Variants in ZNF423 observed in about 807,000 individuals in gnomAD.
ZNF423 encodes the protein Ebf-associated zinc finger protein.
In ZNF423, 12 loss-of-function variants were observed where a neutral mutation model predicts 95.8. That is an observed-to-expected ratio of 0.13 (90% CI 0.08 to 0.20). The LOEUF is 0.20. ZNF423 is among the 10% of genes least tolerant of loss of function. The probability of loss-of-function intolerance (pLI) is 1.00; values close to 1 mark genes in which losing one functional copy is unlikely to be tolerated. For missense variants in ZNF423, 1,316 were observed against 1,737.1 expected (o/e 0.76, Z 4.31); for synonymous variants, 749 against 711.9 (o/e 1.05, Z -0.83).
At chr16:49,745,297 T>C (rs2033498502) in intron 2 of ZNF423, among the ~76,000 whole-genome samples, 2 of 152,216 alleles carry the variant, frequency 1.3e-5, no homozygotes, top group South Asian at 4.1e-4. Context: ...CCCAAAACAC[T>C]TATGTTACTA....
rs1972853116 is a variant in ZNF423 at position 49,638,627 on chromosome 16, G to A, written c.549C>T (p.Phe183=). ...GCCGGTCACGGCTCCTCTTGTGCTTGAAGAGGCGGCTGCAGTAGGTGCACT... is the reference window on the plus strand; with the variant it reads ...GCCGGTCACGGCTCCTCTTGTGCTTAAAGAGGCGGCTGCAGTAGGTGCACT... ...PFKCTYCSRL[F]KHKRSRDRHI... Residue 183 remains phenylalanine (F), a synonymous_variant, in exon 4 of 8, where the codon TTC becomes TTT. Transcript: ENST00000563137. The surrounding 1 kb of genome is among the most constrained non-coding windows in gnomAD (Gnocchi z 5.6). 1 of 1,613,924 alleles carries A rather than the reference G, an allele frequency of 6.2e-7. No individual in the cohort carries two copies. The highest frequency in any genetic ancestry group is 1.6e-4 in the Middle Eastern group (1 of 6,062).
intron 5 of ZNF423, among the ~76,000 whole-genome samples, chr16:49,574,277 C>G (rs1455809894): frequency 6.6e-6 from 1 of 152,164 alleles, no homozygotes; most frequent in African/African-American, 2.4e-5. Flanking sequence ...CCCAGCTAAT[C>G]AGGAAGCTGA....
intron 2 of ZNF423, among the ~76,000 whole-genome samples, chr16:49,781,507 G>A (rs2034211473): frequency 6.6e-6 from 1 of 152,218 alleles, no homozygotes; most frequent in Admixed American, 6.5e-5. Flanking sequence ...TGGGAGAAAT[G>A]CAAACGCAAG....
At chr16:49,539,170 G>A (rs1400533835) in intron 5 of ZNF423, among the ~76,000 whole-genome samples, 2 of 152,108 alleles carry the variant, frequency 1.3e-5, no homozygotes, top group Non-Finnish European at 2.9e-5. Context: ...ACCCCCCACG[G>A]CTCTGGACAC....
chr16:49,517,534 G>A (rs139895257), intron 7 of ZNF423, among the ~76,000 whole-genome samples: 37 of 152,292 alleles, frequency 2.4e-4, no homozygotes, highest in African/African-American at 8.4e-4. Context: ...GGGTGAGCGT[G>A]GGCAGGTGTA....
At chr16:49,815,325 G>A (rs1000675411) in intron 1 of ZNF423, among the ~76,000 whole-genome samples, 2 of 152,090 alleles carry the variant, frequency 1.3e-5, no homozygotes, top group Non-Finnish European at 2.9e-5. Context: ...CAAAGATCTC[G>A]ATACGGGGTC....
intron 5 of ZNF423, among the ~76,000 whole-genome samples, chr16:49,537,487 G>T (rs747112612): frequency 9.9e-5 from 15 of 152,268 alleles, no homozygotes; most frequent in African/African-American, 2.9e-4. Context: ...AAATTCAAAC[G>T]CAACATGGAA....
At chr16:49,560,433 TGCGGTTGG>T (rs1969977345) in intron 5 of ZNF423, among the ~76,000 whole-genome samples, 1 of 152,258 alleles carries the variant, frequency 6.6e-6, no homozygotes, top group South Asian at 2.1e-4. Flanking sequence ...CAGCCAGCTC[TGCGGTTGG>T]GCTGGGATTT....
chr16:49,499,078 C>A (rs895902752), intron 7 of ZNF423, among the ~76,000 whole-genome samples: 1 of 152,194 alleles, frequency 6.6e-6, no homozygotes, highest in Non-Finnish European at 1.5e-5. Context: ...TCTCCCATGA[C>A]CCCCACCCAG....
intron 5 of ZNF423, among the ~76,000 whole-genome samples, chr16:49,555,722 G>A (rs1597096399): frequency 6.6e-6 from 1 of 152,196 alleles, no homozygotes; most frequent in Non-Finnish European, 1.5e-5. Context: ...AAGAATGAAT[G>A]AGTGGGCGGA....
intron 7 of ZNF423, among the ~76,000 whole-genome samples, chr16:49,496,498 G>T (rs1003640885): frequency 2.0e-5 from 3 of 152,138 alleles, no homozygotes; most frequent in African/African-American, 7.2e-5. Context: ...AGCTCCCCTT[G>T]CCTTCCATCA....
At chr16:49,702,634 G>C (rs983966025) in intron 3 of ZNF423, among the ~76,000 whole-genome samples, 1 of 152,198 alleles carries the variant, frequency 6.6e-6, no homozygotes, top group Non-Finnish European at 1.5e-5. Flanking sequence ...CAAGGGGCAC[G>C]CTTGGTCTTG....
At chr16:49,780,129 G>A (rs1311295355) in intron 2 of ZNF423, among the ~76,000 whole-genome samples, 4 of 152,196 alleles carry the variant, frequency 2.6e-5, no homozygotes, top group Non-Finnish European at 4.4e-5. Flanking sequence ...GTCAGAAGAC[G>A]CACTGCACAC....
chr16:49,783,216 G>T (rs941089905), intron 2 of ZNF423, among the ~76,000 whole-genome samples: 1 of 151,504 alleles, frequency 6.6e-6, no homozygotes, highest in African/African-American at 2.4e-5. Flanking sequence ...AGAGACAGGG[G>T]TTAGGGGTAG....
In ZNF423 at chr16:49,490,962, T is replaced by A. The variant is rs935278241; in HGVS notation, c.*313A>T. 8 of 359,604 alleles carry A rather than the reference T, an allele frequency of 2.2e-5. No individual in the cohort carries two copies. Among genetic ancestry groups the A allele is most frequent in the Non-Finnish European group, 3.6e-5 (7 of 196,488 alleles). The allele number at this position is 359,604 out of a possible 1,614,324, so 22.3% of individuals were successfully genotyped here. On this transcript the variant is annotated 3_prime_UTR_variant, in exon 8 of 8. Transcript: ENST00000563137. Reference sequence around the variant, plus strand: ...TCTTTTTTAAAAACTATCAATATAATACATGAAGGAACAAAGGACAATAGC... The same window carrying A: ...TCTTTTTTAAAAACTATCAATATAAAACATGAAGGAACAAAGGACAATAGC...
At chr16:49,648,790 C>A (rs1378211756) in intron 3 of ZNF423, among the ~76,000 whole-genome samples, 4 of 152,136 alleles carry the variant, frequency 2.6e-5, no homozygotes, top group African/African-American at 9.7e-5. Context: ...ATTGAGTATT[C>A]AGTCACAACA....
At chr16:49,788,857 G>T (rs962613289) in intron 2 of ZNF423, among the ~76,000 whole-genome samples, 2 of 152,232 alleles carry the variant, frequency 1.3e-5, no homozygotes, top group African/African-American at 2.4e-5. Flanking sequence ...CTCAAAGCCA[G>T]TTCTAATCTC....
chr16:49,536,022 C>T (rs1362245004), intron 5 of ZNF423, among the ~76,000 whole-genome samples: 3 of 152,084 alleles, frequency 2.0e-5, no homozygotes, highest in South Asian at 2.1e-4. Context: ...TCTCTACTGC[C>T]GACATCATTT....
intron 7 of ZNF423, among the ~76,000 whole-genome samples, chr16:49,499,348 G>A (rs1368399530): frequency 1.3e-5 from 2 of 152,252 alleles, no homozygotes; most frequent in Non-Finnish European, 2.9e-5. Context: ...GCAACGCTCA[G>A]CCAGGGAAGC....
Sources: allele counts gnomAD v4.1 joint callset (sites outside exome capture counted in the v4.1 genomes callset), GRCh38; gene constraint gnomAD v4.1.1; non-coding constraint Gnocchi (gnomAD v3.1); transcripts MANE v1.5; gene names NCBI Gene and HGNC (gene_info 2026-07-23, HGNC 2026-07-21).